The following DYSF variants were observed in gnomAD, a reference collection of about 807,000 sequenced individuals.
DYSF encodes the protein dysferlin, also known as dystrophy-associated fer-1-like 1.
In DYSF, 212 loss-of-function variants were observed where a neutral mutation model predicts 274.9. The observed-to-expected ratio is 0.77, with a 90% CI of 0.69 to 0.86. The LOEUF is 0.86. Ranked by LOEUF, DYSF falls within the 40% of genes least tolerant of loss-of-function variation. The pLI is 0.00. For missense variants in DYSF, 2,666 were observed against 2,783.2 expected (o/e 0.96, Z 0.95); for synonymous variants, 1,091 against 1,078.7 (o/e 1.01, Z -0.22).
In DYSF at chr2:71,537,218, G is replaced by GTTTTTTTT. The variant is rs751063098; in HGVS notation, c.1493+1911_1493+1912insTTTTTTTT. Among the ~76,000 whole-genome samples, 18 of 47,704 alleles carry GTTTTTTTT rather than the reference G, an allele frequency of 3.8e-4. 1 individual carries two copies. Among genetic ancestry groups the GTTTTTTTT allele is most frequent in the African/African-American group, 8.2e-4 (13 of 15,772 alleles). The allele number at this position is 47,704 out of a possible 152,430, so 31.3% of individuals were successfully genotyped here. A position where few individuals can be genotyped will look rare whatever the true frequency, so the allele number is the denominator to read the frequency against. On this transcript the variant is annotated intron_variant, in intron 16 of 55. Coordinates refer to ENST00000410020, the MANE Select transcript of DYSF (RefSeq NM_001130987.2). ...TATTGCAGGAAATTTTTACTTTCTA[G>GTTTTTTTT]TTTTGTTTTTTTTTTTTTTTTTTTT...
intron 16 of DYSF, among the ~76,000 whole-genome samples, chr2:71,536,561 C>T (rs963161493): frequency 2.0e-5 from 3 of 152,202 alleles, no homozygotes; most frequent in Non-Finnish European, 4.4e-5. Context: ...TGCGTGTTTG[C>T]GCATGTGGAT....
At chr2:71,470,132 C>A (rs2081872882) in intron 1 of DYSF, among the ~76,000 whole-genome samples, 1 of 152,204 alleles carries the variant, frequency 6.6e-6, no homozygotes, top group Non-Finnish European at 1.5e-5. Flanking sequence ...GAAGTCATTA[C>A]TGACACTTCC....
At chr2:71,618,387 T>G (rs2093980997) in intron 40 of DYSF, among the ~76,000 whole-genome samples, 2 of 4,132 alleles carry the variant, frequency 4.8e-4, no homozygotes, top group African/African-American at 1.8e-3. Flanking sequence ...GTGGTAGAGG[T>G]GGTGTGTGTG....
intron 51 of DYSF, 81 bp from the exon 52 acceptor site, chr2:71,674,116 C>A (rs2095177403): frequency 2.3e-6 from 3 of 1,306,746 alleles, no homozygotes; most frequent in African/African-American, 2.9e-5. Flanking sequence ...CTCCTCCAGG[C>A]AGCCTTCCAG....
At chr2:71,680,213 C>T (rs1373152502) in intron 53 of DYSF, among the ~76,000 whole-genome samples, 2 of 152,064 alleles carry the variant, frequency 1.3e-5, no homozygotes, top group African/African-American at 4.8e-5. Context: ...AGCTGAAACC[C>T]TAGAAATCAA....
rs1461643836 is a variant in DYSF at position 71,615,830 on chromosome 2, T to G, written c.4464+2420T>G. ...ACGAGAGGTCTGGCAGAATCTGGAT[T>G]TTGGCTGGCTTCTGTCTGCCCCACC... On this transcript the variant is annotated intron_variant, in intron 40 of 55. Transcript: ENST00000410020. The surrounding 1 kb of genome is among the most constrained non-coding windows in gnomAD (Gnocchi z 4.9). Among the ~76,000 whole-genome samples the G allele has an allele frequency of 6.6e-6, 1 of 152,166 alleles. No homozygotes were observed. The highest frequency in any genetic ancestry group is 1.5e-5 in the Non-Finnish European group (1 of 68,022).
intron 17 of DYSF, among the ~76,000 whole-genome samples, chr2:71,544,623 C>A (rs1018848960): frequency 6.6e-6 from 1 of 151,976 alleles, no homozygotes; most frequent in Non-Finnish European, 1.5e-5. Flanking sequence ...CCATACCTGG[C>A]TAATATTTTT....
intron 3 of DYSF, among the ~76,000 whole-genome samples, chr2:71,485,572 C>G (rs141464430): frequency 6.6e-6 from 1 of 152,072 alleles, no homozygotes; most frequent in African/African-American, 2.4e-5. Flanking sequence ...CAGGCAGGTG[C>G]GATGCCTCAG....
intron 46 of DYSF, 84 bp downstream of exon 46, chr2:71,664,522 T>C (rs1352650111): frequency 6.5e-7 from 1 of 1,548,576 alleles, no homozygotes; most frequent in East Asian, 2.3e-5. Flanking sequence ...ACTGAGCACT[T>C]ACTGTGTGCC....
chr2:71,611,390 C>T, intron 37 of DYSF, 44 bp downstream of exon 37: 1 of 1,613,806 alleles, frequency 6.2e-7, no homozygotes, highest in Non-Finnish European at 8.5e-7. Flanking sequence ...AGCAGCCTGC[C>T]CTTCCCCTTC....
chr2:71,472,642 G>A lies in DYSF; in HGVS notation c.91+5709G>A, dbSNP rs192349926. On this transcript the variant is annotated intron_variant, in intron 1 of 55. Coordinates refer to ENST00000410020, the MANE Select transcript of DYSF (RefSeq NM_001130987.2). ...AGGATGGTCTGGATCTCCTGACTTCGTGATCCACCCGCCTTGGCCTCCCAA... is the reference window on the plus strand; with the variant it reads ...AGGATGGTCTGGATCTCCTGACTTCATGATCCACCCGCCTTGGCCTCCCAA... 3.8e-3 allele frequency among the ~76,000 whole-genome samples: 576 copies of A among 152,252 alleles called. 3 individuals are homozygous for A. The highest frequency in any genetic ancestry group is 0.013 in the African/African-American group (539 of 41,542).
chr2:71,481,722 C>CCATCCATCCATCCATCCATT lies in DYSF; in HGVS notation c.148-150_148-149insCCATCCATCCATTCATCCAT, dbSNP rs1553508732. ...TCCATCCATCCATCCATCCATCCAT[C>CCATCCATCCATCCATCCATT]CATCCATGCTTCCATCCATCCATTG... On this transcript the variant is annotated intron_variant, in intron 2 of 55. Coordinates refer to ENST00000410020, the MANE Select transcript of DYSF (RefSeq NM_001130987.2). Among the ~76,000 whole-genome samples the CCATCCATCCATCCATCCATT allele has an allele frequency of 0.19, 29,466 of 151,740 alleles. 3,317 individuals carry two copies. Among genetic ancestry groups the CCATCCATCCATCCATCCATT allele is most frequent in the East Asian group, 0.5 (2,581 of 5,114 alleles).
At chr2:71,522,288 T>C (rs1258725460) in intron 12 of DYSF, among the ~76,000 whole-genome samples, 1 of 151,674 alleles carries the variant, frequency 6.6e-6, no homozygotes, top group Non-Finnish European at 1.5e-5. Flanking sequence ...TCCACTCCAT[T>C]GCCAGCTGCT....
At position 71,669,543 on chromosome 2, in the gene DYSF, C is replaced by T. The variant is rs115495419; in HGVS notation, c.5643-62C>T. On this transcript the variant is annotated intron_variant, in intron 50 of 55. Coordinates refer to ENST00000410020, the MANE Select transcript of DYSF (RefSeq NM_001130987.2). ...TTAACTCCTTGTCTGCCTAAGTTGA[C>T]GATGTATATACTGTGTTGGAAATCT... 1,088 of 1,600,266 alleles carry T rather than the reference C, an allele frequency of 6.8e-4. 7 individuals are homozygous for T. In the African/African-American group the frequency reaches 0.012, roughly 18 times the overall value.
chr2:71,454,922 G>A (rs544987455), intron 1 of DYSF, among the ~76,000 whole-genome samples: 10 of 152,254 alleles, frequency 6.6e-5, no homozygotes, highest in African/African-American at 2.4e-4. Flanking sequence ...CTTTGGGCTT[G>A]GAACCATACT....
At chr2:71,647,678 G>C (rs2094588448) in intron 42 of DYSF, among the ~76,000 whole-genome samples, 1 of 152,220 alleles carries the variant, frequency 6.6e-6, no homozygotes, top group Non-Finnish European at 1.5e-5. Flanking sequence ...AATGTTGAAA[G>C]ATCAGAGTAG....
rs1374523172 is a variant in DYSF, at chr2:71,668,847, CT to C, written c.5546+7del. ...CACCCCACGGAGAGCCAGAAGGTGA[CT>C]TGCCCAGCCACAGGCTCTGAGCTGG... On this transcript the variant is annotated splice_donor_region_variant and intron_variant, in intron 49 of 55. Transcript: ENST00000410020. 1.8e-5 allele frequency: 29 copies of C among 1,610,290 alleles called. No individual in the cohort carries two copies. Among genetic ancestry groups the C allele is most frequent in the Non-Finnish European group, 2.5e-5 (29 of 1,178,846 alleles).
intron 41 of DYSF, among the ~76,000 whole-genome samples, chr2:71,621,905 CGCCTCG>C (rs1255313734): frequency 6.6e-6 from 1 of 151,918 alleles, no homozygotes; most frequent in African/African-American, 2.4e-5. Flanking sequence ...ATGATCTGCC[CGCCTCG>C]GCCTCCCAAA....
In DYSF at chr2:71,686,620, C is replaced by CA. The variant is rs1472647501; in HGVS notation, c.*129dup. On this transcript the variant is annotated 3_prime_UTR_variant, in exon 56 of 56. Transcript: ENST00000410020. ...TGATTGTCCTGCCAGGGTGGGCAGA[C>CA]AGACAGATGGACCGGCCCACACTCC... The CA allele has an allele frequency of 9.0e-7, 1 of 1,114,204 alleles. No individual in the cohort carries two copies. The highest frequency in any genetic ancestry group is 1.7e-5 in the Admixed American group (1 of 58,624). 69.0% of individuals were successfully genotyped at this position (1,114,204 alleles called of 1,614,324 possible). A position where few individuals can be genotyped will look rare whatever the true frequency, so the allele number is the denominator to read the frequency against.
Sources: allele counts gnomAD v4.1 joint callset (sites outside exome capture counted in the v4.1 genomes callset), GRCh38; gene constraint gnomAD v4.1.1; non-coding constraint Gnocchi (gnomAD v3.1); transcripts MANE v1.5; gene names NCBI Gene and HGNC (gene_info 2026-07-23, HGNC 2026-07-21).